Variants in SPAG16 observed in about 807,000 individuals in gnomAD.
SPAG16 encodes sperm associated antigen 16.
A neutral mutation model predicts 80.4 loss-of-function variants in SPAG16; 86 were observed. That is an observed-to-expected ratio of 1.07 (90% CI 0.90 to 1.28). The LOEUF (loss-of-function observed/expected upper bound fraction) is 1.28, where lower values mean the gene tolerates loss of function less well. SPAG16 is among the 50% of genes most tolerant of loss of function. The pLI, the probability that SPAG16 is intolerant of heterozygous loss-of-function variation, is 0.00. For missense variants in SPAG16, 870 were observed against 765.3 expected, an observed-to-expected ratio of 1.14 and a Z score of -1.61; for synonymous variants, 294 against 265.9, an observed-to-expected ratio of 1.11 and a Z score of -1.03.
intron 12 of SPAG16, among the ~76,000 whole-genome samples, chr2:213,976,109 G>GATATATATATATAT (rs1553685173): frequency 3.6e-4 from 44 of 121,468 alleles, no homozygotes; most frequent in Non-Finnish European, 4.2e-4. Flanking sequence ...CAGTGAGGGA[G>GATATATATATATAT]ATATATATAT....
chr2:214,258,187 C>A (rs2125864221), intron 15 of SPAG16, among the ~76,000 whole-genome samples: 1 of 151,546 alleles, frequency 6.6e-6, no homozygotes, highest in Non-Finnish European at 1.5e-5. Flanking sequence ...TTGATGCACC[C>A]ATCACTGGAG....
intron 15 of SPAG16, among the ~76,000 whole-genome samples, chr2:214,242,226 G>A (rs910952438): frequency 4.6e-5 from 7 of 152,072 alleles, no homozygotes; most frequent in South Asian, 2.1e-4. Context: ...ACCCAGTCAC[G>A]AAACTCACAA....
At chr2:213,285,135 A>G (rs2062007445) in intron 1 of SPAG16, among the ~76,000 whole-genome samples, 2 of 152,218 alleles carry the variant, frequency 1.3e-5, no homozygotes, top group Non-Finnish European at 2.9e-5. Flanking sequence ...TAGTTTTGAT[A>G]GCATTATCTT....
chr2:213,928,266 G>C (rs1338975879), intron 11 of SPAG16, among the ~76,000 whole-genome samples: 1 of 126,298 alleles, frequency 7.9e-6, no homozygotes. Context: ...TTTTTTTTTT[G>C]TATTTTTAGT....
In SPAG16 at chr2:214,297,987, A is replaced by ATTTG. The variant is rs539922031; in HGVS notation, c.1721-112147_1721-112144dup. On this transcript the variant is annotated intron_variant, in intron 15 of 15. Transcript: ENST00000331683. ...TTCCAAAAGCATGGAATGTTTTTCT[A>ATTTG]TTTGTTTGTGTCATCTGCAATTTCT... 3.6e-3 allele frequency among the ~76,000 whole-genome samples: 549 copies of ATTTG among 150,928 alleles called. 4 individuals carry two copies. The highest frequency in any genetic ancestry group is 0.013 in the African/African-American group (531 of 41,282).
At chr2:214,115,915 G>A (rs541115793) in intron 14 of SPAG16, among the ~76,000 whole-genome samples, 30 of 144,386 alleles carry the variant, frequency 2.1e-4, no homozygotes, top group African/African-American at 5.9e-4. Context: ...TCCTATCTCC[G>A]CCCACAAGAA....
chr2:213,502,857 C>T (rs533461152), intron 10 of SPAG16, among the ~76,000 whole-genome samples: 1 of 152,174 alleles, frequency 6.6e-6, no homozygotes, highest in Non-Finnish European at 1.5e-5. Flanking sequence ...CATATTCTAG[C>T]ATAGTAGAGC....
In SPAG16 at chr2:213,657,387, C is replaced by T. The variant is rs559465350; in HGVS notation, c.1070+167297C>T. 3.3e-5 allele frequency among the ~76,000 whole-genome samples: 5 copies of T among 152,128 alleles called. No homozygotes were observed. In the South Asian group the frequency reaches 1.0e-3, roughly 32 times the overall value. On this transcript the variant is annotated intron_variant, in intron 10 of 15. Transcript: ENST00000331683. ...GAGTGCTTGACACATAAGAAGCGCT[C>T]CTTGAGCATTAACTATATTATTATT... is the stretch of plus-strand genomic sequence containing the variant.
intron 9 of SPAG16, among the ~76,000 whole-genome samples, chr2:213,486,467 G>T (rs1003838075): frequency 2.0e-5 from 3 of 152,004 alleles, no homozygotes; most frequent in African/African-American, 4.8e-5. Context: ...AGAAAATGTG[G>T]TATATATACA....
intron 3 of SPAG16, chr2:213,302,647 G>GTGTGTGTGTGTGTGTGTGTGTGTA (rs1553620021): frequency 4.0e-5 from 6 of 148,426 alleles, no homozygotes; most frequent in Non-Finnish European, 9.0e-5. Flanking sequence ...GTGTGTGTGT[G>GTGTGTGTGTGTGTGTGTGTGTGTA]TGTGTGTGTG....
intron 10 of SPAG16, among the ~76,000 whole-genome samples, chr2:213,772,847 A>T (rs2069335291): frequency 6.6e-6 from 1 of 152,168 alleles, no homozygotes; most frequent in African/African-American, 2.4e-5. Flanking sequence ...ATCTATGAAC[A>T]TGAGGTATTT....
intron 13 of SPAG16, among the ~76,000 whole-genome samples, chr2:214,099,498 C>T (rs1455597739): frequency 6.6e-6 from 1 of 152,056 alleles, no homozygotes; most frequent in Non-Finnish European, 1.5e-5. Context: ...TTAAACTCTG[C>T]AACTTCACTC....
chr2:213,578,428 A>C (rs894123858), intron 10 of SPAG16, among the ~76,000 whole-genome samples: 4 of 152,184 alleles, frequency 2.6e-5, no homozygotes, highest in African/African-American at 9.6e-5. Flanking sequence ...TGTACAAAAA[A>C]TAAACTTTGT....
At chr2:213,886,661 G>A (rs13418493) in intron 11 of SPAG16, among the ~76,000 whole-genome samples, 90,279 of 151,718 alleles carry the variant, frequency 0.6, 28,730 homozygotes, top group South Asian at 0.85. Context: ...CTTCTGAGGG[G>A]AAACAAGCAA....
chr2:214,351,015 C>T (rs766276272), intron 15 of SPAG16, among the ~76,000 whole-genome samples: 27 of 152,054 alleles, frequency 1.8e-4, no homozygotes, highest in Admixed American at 2.0e-4. Flanking sequence ...CAGCCTGTTG[C>T]AGGCTAAGCT....
chr2:213,919,027 A>G (rs1453797486), intron 11 of SPAG16, among the ~76,000 whole-genome samples: 1 of 151,492 alleles, frequency 6.6e-6, no homozygotes. Context: ...TTTTATTTGG[A>G]TCTTCTTTCT....
At chr2:214,325,164 G>A (rs978204582) in intron 15 of SPAG16, among the ~76,000 whole-genome samples, 6 of 152,112 alleles carry the variant, frequency 3.9e-5, no homozygotes, top group African/African-American at 7.2e-5. Flanking sequence ...ACCAAATGCC[G>A]TGGCTCAACC....
At chr2:213,926,003 C>T (rs1249623315) in intron 11 of SPAG16, among the ~76,000 whole-genome samples, 1 of 151,946 alleles carries the variant, frequency 6.6e-6, no homozygotes, top group Non-Finnish European at 1.5e-5. Context: ...GTTTGGTATA[C>T]ATTTTTCTTT....
At chr2:214,366,309 G>T (rs1248516851) in intron 15 of SPAG16, among the ~76,000 whole-genome samples, 4 of 152,172 alleles carry the variant, frequency 2.6e-5, no homozygotes, top group Non-Finnish European at 4.4e-5. Flanking sequence ...CTTACACTGT[G>T]ATTCCTGTGC....
Sources: allele counts gnomAD v4.1 joint callset (sites outside exome capture counted in the v4.1 genomes callset), GRCh38; gene constraint gnomAD v4.1.1; transcripts MANE v1.5; gene names NCBI Gene and HGNC (gene_info 2026-07-23, HGNC 2026-07-21).